Variants in PPARGC1A observed in about 807,000 individuals in gnomAD.
PPARGC1A encodes the protein PPARG coactivator 1 alpha.
Under a neutral mutation model 88.7 loss-of-function variants are expected in PPARGC1A, and 25 were observed. The observed-to-expected ratio is 0.28, with a 90% CI of 0.21 to 0.39. PPARGC1A has a LOEUF of 0.39. Ranked by LOEUF, PPARGC1A falls within the 10% of genes least tolerant of loss-of-function variation. PPARGC1A has a pLI of 1.00. For synonymous variants in PPARGC1A, 363 were observed against 355.6 expected (o/e 1.02, Z -0.24); for missense variants, 880 against 968.7 (o/e 0.91, Z 1.22).
chr4:24,244,316 T>C, the PPARGC1A span, among the ~76,000 whole-genome samples: 1 of 152,230 alleles, frequency 6.6e-6, no homozygotes, highest in African/African-American at 2.4e-5. Flanking sequence ...ACAATTATAA[T>C]ATTTCATATA....
At chr4:23,916,846 CT>C in the PPARGC1A span, among the ~76,000 whole-genome samples, 3 of 152,222 alleles carry the variant, frequency 2.0e-5, no homozygotes, top group African/African-American at 4.8e-5. Flanking sequence ...CTCACTATTT[CT>C]TTAACCGGCT....
the PPARGC1A span, among the ~76,000 whole-genome samples, chr4:24,092,719 C>G: frequency 2.0e-5 from 3 of 152,162 alleles, no homozygotes; most frequent in African/African-American, 2.4e-5. Context: ...GACTAAAGCC[C>G]ATTCTACAGA....
At chr4:24,040,003 A>G in the PPARGC1A span, among the ~76,000 whole-genome samples, 1 of 152,180 alleles carries the variant, frequency 6.6e-6, no homozygotes, top group Non-Finnish European at 1.5e-5. Context: ...ACTGTTCCAC[A>G]ATAGCCAGGA....
At chr4:24,226,056 G>C in the PPARGC1A span, among the ~76,000 whole-genome samples, 6 of 152,178 alleles carry the variant, frequency 3.9e-5, no homozygotes, top group South Asian at 2.1e-4. Flanking sequence ...GTTTCCACGC[G>C]CTCACATTGT....
the PPARGC1A span, among the ~76,000 whole-genome samples, chr4:24,258,968 A>G: frequency 6.6e-6 from 1 of 152,342 alleles, no homozygotes; most frequent in Middle Eastern, 3.4e-3. Context: ...AGGTCCTACC[A>G]TCAAGAAACT....
the PPARGC1A span, among the ~76,000 whole-genome samples, chr4:24,304,983 G>A: frequency 6.6e-6 from 1 of 152,042 alleles, no homozygotes. Flanking sequence ...TATGGCTGAA[G>A]ATGGATAAGT....
chr4:23,845,145 C>T (rs1224402229), intron 2 of PPARGC1A, among the ~76,000 whole-genome samples: 2 of 151,880 alleles, frequency 1.3e-5, no homozygotes, highest in African/African-American at 2.4e-5. Context: ...GACTTTAGCA[C>T]GGAGGCCTGC....
chr4:23,808,519 T>C (rs1720290073), intron 10 of PPARGC1A, among the ~76,000 whole-genome samples: 1 of 152,050 alleles, frequency 6.6e-6, no homozygotes. Context: ...GCAAATGGAG[T>C]TGGACTTAGA....
chr4:24,192,144 G>A, the PPARGC1A span, among the ~76,000 whole-genome samples: 11 of 152,100 alleles, frequency 7.2e-5, no homozygotes, highest in Non-Finnish European at 1.6e-4. Flanking sequence ...ACTGTCTGGT[G>A]AAATATGCAA....
At chr4:24,327,685 A>G in the PPARGC1A span, among the ~76,000 whole-genome samples, 73,201 of 150,616 alleles carry the variant, frequency 0.49, 19,118 homozygotes, top group Admixed American at 0.65. Context: ...ACGTTCCCAT[A>G]CCGCCCCTAA....
the PPARGC1A span, among the ~76,000 whole-genome samples, chr4:24,025,899 C>A: frequency 2.6e-5 from 4 of 152,080 alleles, no homozygotes; most frequent in South Asian, 8.3e-4. Context: ...ACTGTCATTC[C>A]CTAAGTTGCT....
chr4:24,035,066 T>G, the PPARGC1A span, among the ~76,000 whole-genome samples: 3 of 152,162 alleles, frequency 2.0e-5, no homozygotes, highest in African/African-American at 7.2e-5. Flanking sequence ...AGGACTGGAT[T>G]TTGCTCATTG....
chr4:24,161,233 T>C, the PPARGC1A span, among the ~76,000 whole-genome samples: 1 of 152,190 alleles, frequency 6.6e-6, no homozygotes, highest in African/African-American at 2.4e-5. Context: ...TCAATGACTT[T>C]ATTCAAGGGT....
At chr4:24,066,128 C>T in the PPARGC1A span, among the ~76,000 whole-genome samples, 1 of 151,942 alleles carries the variant, frequency 6.6e-6, no homozygotes, top group South Asian at 2.1e-4. Context: ...TTCCACCGAA[C>T]ACCTCCCTCA....
the PPARGC1A span, among the ~76,000 whole-genome samples, chr4:24,439,267 G>C: frequency 1.3e-5 from 2 of 152,282 alleles, no homozygotes; most frequent in East Asian, 3.9e-4. Context: ...CTAAGGAAAG[G>C]CTCAGGTGAG....
the PPARGC1A span, among the ~76,000 whole-genome samples, chr4:23,918,281 G>A: frequency 6.6e-6 from 1 of 151,392 alleles, no homozygotes; most frequent in Non-Finnish European, 1.5e-5. Flanking sequence ...GGAGTGCAGT[G>A]GCATGATCTC....
the PPARGC1A span, among the ~76,000 whole-genome samples, chr4:24,304,370 C>T: frequency 6.6e-6 from 1 of 152,172 alleles, no homozygotes; most frequent in African/African-American, 2.4e-5. Flanking sequence ...TAACAGCTGT[C>T]ACTTAAAGTC....
the PPARGC1A span, among the ~76,000 whole-genome samples, chr4:23,913,307 G>GAA: frequency 1.5e-3 from 176 of 120,892 alleles, 2 homozygotes; most frequent in Admixed American, 2.4e-3. Context: ...GAGAGAGAGA[G>GAA]AAAGAGAAAA....
At chr4:23,972,486 C>T in the PPARGC1A span, among the ~76,000 whole-genome samples, 1 of 152,180 alleles carries the variant, frequency 6.6e-6, no homozygotes, top group African/African-American at 2.4e-5. Flanking sequence ...CATAGTTTAA[C>T]ACGTCCTTGA....
Sources: gnomAD v4.1 joint callset for allele counts (sites outside exome capture counted in the v4.1 genomes callset) on GRCh38, gnomAD v4.1.1 for gene constraint, MANE v1.5 for transcripts, NCBI Gene and HGNC (gene_info 2026-07-23, HGNC 2026-07-21) for gene names.